The following TENT2 variants were observed in gnomAD, a reference collection of about 807,000 sequenced individuals.
TENT2 encodes terminal nucleotidyltransferase 2, also known as poly(A) RNA polymerase GLD2.
A neutral mutation model predicts 72.2 loss-of-function variants in TENT2; 44 were observed. The observed-to-expected ratio is 0.61, with a 90% CI of 0.48 to 0.78. The LOEUF is 0.78. Ranked by LOEUF, TENT2 falls within the 30% of genes least tolerant of loss-of-function variation. The pLI, the probability that TENT2 is intolerant of heterozygous loss-of-function variation, is 0.00. For missense variants in TENT2, 541 were observed against 569.6 expected (o/e 0.95, Z 0.51); for synonymous variants, 212 against 192.5 (o/e 1.10, Z -0.84).
intron 4 of TENT2, among the ~76,000 whole-genome samples, chr5:79,630,403 G>A (rs1432980021): frequency 6.6e-6 from 1 of 152,248 alleles, no homozygotes; most frequent in East Asian, 1.9e-4. Flanking sequence ...GACCAACATG[G>A]CAAAACTCCA....
In TENT2 at chr5:79,639,119, C is replaced by G. The variant is rs575352191; in HGVS notation, c.466-1732C>G. ...ACAAAATTATTGGTAGAGAGATTAG[C>G]TTTGAACAGGGGAAAAGGACGCCTT... On this transcript the variant is annotated intron_variant, in intron 4 of 14. Coordinates refer to ENST00000453514, the MANE Select transcript of TENT2 (RefSeq NM_001114394.3). Among the ~76,000 whole-genome samples, 3 of 151,342 alleles carry G rather than the reference C, an allele frequency of 2.0e-5. No homozygotes were observed. In the East Asian group the frequency reaches 5.8e-4, roughly 29 times the overall value.
intron 4 of TENT2, among the ~76,000 whole-genome samples, chr5:79,633,212 T>C (rs7715832): frequency 0.2 from 30,860 of 152,098 alleles, 4,624 homozygotes; most frequent in African/African-American, 0.42. Flanking sequence ...GCTCTTTCTA[T>C]AGCTACACGT....
chr5:79,632,863 A>T (rs1776629857), intron 4 of TENT2, among the ~76,000 whole-genome samples: 1 of 152,154 alleles, frequency 6.6e-6, no homozygotes, highest in South Asian at 2.1e-4. Context: ...TCAAATAAAA[A>T]CTTGTTTTTT....
chr5:79,635,936 C>G (rs1399572960), intron 4 of TENT2, among the ~76,000 whole-genome samples: 2 of 152,202 alleles, frequency 1.3e-5, no homozygotes, highest in Non-Finnish European at 2.9e-5. Context: ...CTGCCTGATT[C>G]TCTACATCAG....
chr5:79,659,564 A>G (rs1398656386), intron 11 of TENT2, among the ~76,000 whole-genome samples: 1,014 of 73,746 alleles, frequency 0.014, 56 homozygotes, highest in African/African-American at 0.085. Flanking sequence ...ATGTATATAT[A>G]TATATATATA....
intron 4 of TENT2, among the ~76,000 whole-genome samples, chr5:79,633,432 GTTTTTTTTTTTT>G (rs539713889): frequency 1.0e-4 from 8 of 80,352 alleles, no homozygotes; most frequent in Non-Finnish European, 1.4e-4. Flanking sequence ...CAGCTAAAAA[GTTTTTTTTTTTT>G]TTTTTTTTTT....
intron 14 of TENT2, among the ~76,000 whole-genome samples, chr5:79,682,876 C>CA (rs1177177112): frequency 3.9e-5 from 6 of 152,156 alleles, no homozygotes; most frequent in Admixed American, 2.0e-4. Context: ...AGGGACTTCA[C>CA]AACACATTGT....
chr5:79,656,070 G>A (rs972727665), intron 10 of TENT2, among the ~76,000 whole-genome samples: 3 of 151,872 alleles, frequency 2.0e-5, no homozygotes, highest in Admixed American at 6.6e-5. Context: ...TATACATAGT[G>A]TATTCCTAAT....
intron 4 of TENT2, among the ~76,000 whole-genome samples, chr5:79,634,206 C>A (rs1200939980): frequency 6.6e-6 from 1 of 151,478 alleles, no homozygotes; most frequent in Non-Finnish European, 1.5e-5. Flanking sequence ...TTCACGTGTC[C>A]TTATGGCTTG....
chr5:79,666,394 A>G (rs1480532305), intron 11 of TENT2, among the ~76,000 whole-genome samples: 1 of 147,300 alleles, frequency 6.8e-6, no homozygotes, highest in African/African-American at 2.5e-5. Context: ...TTTTTGCGAT[A>G]AGGTCTTGCT....
rs376684933 is a variant in TENT2 at position 79,622,739 on chromosome 5, TATC to T, written c.228-512_228-510del. On this transcript the variant is annotated intron_variant, in intron 3 of 14. Transcript: ENST00000453514. ...AAATTTAATATTAATAAAATACTAT[TATC>T]TGAGTTGCAGCTCATTTTTGAATTT... is the stretch of plus-strand genomic sequence containing the variant. 4.3e-3 allele frequency among the ~76,000 whole-genome samples: 652 copies of T among 152,330 alleles called. 7 individuals carry two copies. The highest frequency in any genetic ancestry group is 0.014 in the African/African-American group (578 of 41,580).
intron 1 of TENT2, among the ~76,000 whole-genome samples, chr5:79,614,370 T>C (rs1757832686): frequency 1.3e-5 from 2 of 152,178 alleles, no homozygotes; most frequent in African/African-American, 4.8e-5. Context: ...CCCAAAGTGC[T>C]GGGATTACAG....
chr5:79,669,723 A>G (rs529921787), intron 12 of TENT2, among the ~76,000 whole-genome samples: 59 of 152,108 alleles, frequency 3.9e-4, no homozygotes, highest in African/African-American at 1.4e-3. Flanking sequence ...AGAAGTTTGC[A>G]TAGGGTAATA....
In TENT2 at chr5:79,640,859, G is replaced by A. The variant is rs202103836; in HGVS notation, c.474G>A (p.Gln158=). 1.2e-6 allele frequency: 2 copies of A among 1,601,878 alleles called. No individual in the cohort carries two copies. The highest frequency in any genetic ancestry group is 2.2e-5 in the East Asian group (1 of 44,660). The stretch of plus-strand genomic sequence containing the variant: ...TTTGCGGTGGATTCAAGTTGAGTCA[G>A]CAGATACTGGAGTTATTTGAAACAT... The part of the protein sequence containing the change: ...TLPEAKDKLS[Q]QILELFETCQ... The change falls in exon 5 of 15, where the codon CAG becomes CAA. Residue 158 remains glutamine (Q), a synonymous_variant. Coordinates refer to ENST00000453514, the MANE Select transcript of TENT2 (RefSeq NM_001114394.3).
At chr5:79,629,507 A>G (rs1484302167) in intron 4 of TENT2, among the ~76,000 whole-genome samples, 1 of 152,224 alleles carries the variant, frequency 6.6e-6, no homozygotes, top group Non-Finnish European at 1.5e-5. Flanking sequence ...TAGGTACAGC[A>G]TGGTGAGAGG....
At chr5:79,639,625 C>G (rs1481662130) in intron 4 of TENT2, among the ~76,000 whole-genome samples, 1 of 152,062 alleles carries the variant, frequency 6.6e-6, no homozygotes, top group African/African-American at 2.4e-5. Context: ...GAAATAACAC[C>G]ATTTTTATGC....
intron 11 of TENT2, among the ~76,000 whole-genome samples, chr5:79,661,938 GT>G (rs1289956643): frequency 6.6e-6 from 1 of 152,168 alleles, no homozygotes; most frequent in Non-Finnish European, 1.5e-5. Context: ...TACCAGCTAA[GT>G]TTATGTAATG....
chr5:79,623,125 TAAA>T, intron 3 of TENT2, 124 bp from the exon 4 acceptor site: 1 of 648,102 alleles, frequency 1.5e-6, no homozygotes, highest in Admixed American at 3.5e-5. Flanking sequence ...ATAAAGCTAA[TAAA>T]GTGACCTTAT....
intron 4 of TENT2, among the ~76,000 whole-genome samples, chr5:79,625,327 G>A (rs995006119): frequency 1.2e-4 from 19 of 152,098 alleles, no homozygotes; most frequent in African/African-American, 4.1e-4. Context: ...AATGACTTGT[G>A]AATTTATGCT....
Sources: gnomAD v4.1 joint callset for allele counts (sites outside exome capture counted in the v4.1 genomes callset) on GRCh38, gnomAD v4.1.1 for gene constraint, MANE v1.5 for transcripts, NCBI Gene and HGNC (gene_info 2026-07-23, HGNC 2026-07-21) for gene names.